SHC4: variants seen among roughly 807,000 people sequenced by gnomAD.
The protein encoded by SHC4 is SHC-transforming protein 4.
Under a neutral mutation model 69.4 loss-of-function variants are expected in SHC4, and 41 were observed. The ratio of observed to expected loss-of-function variants is 0.59; its 90% confidence interval spans 0.46 to 0.77. SHC4 has a LOEUF of 0.77. Among genes scored for constraint, SHC4 ranks in the 30% least tolerant of loss-of-function variants. The pLI is 0.00. For missense variants in SHC4, 777 were observed against 783.8 expected, an observed-to-expected ratio of 0.99 and a Z score of 0.10; for synonymous variants, 318 against 299.3, an observed-to-expected ratio of 1.06 and a Z score of -0.64.
At chr15:48,937,547 A>G (rs1350140062) in intron 1 of SHC4, among the ~76,000 whole-genome samples, 1 of 152,040 alleles carries the variant, frequency 6.6e-6, no homozygotes, top group African/African-American at 2.4e-5. Flanking sequence ...CCTTGCATAT[A>G]TTATATATAG....
At chr15:48,855,842 AG>A in intron 8 of SHC4, 110 bp downstream of exon 8, 1 of 1,114,972 alleles carries the variant, frequency 9.0e-7, no homozygotes, top group Non-Finnish European at 1.3e-6. Flanking sequence ...TCTGTATTTG[AG>A]GAAGACAGGA....
At chr15:48,889,095 A>C (rs1299107156) in intron 3 of SHC4, among the ~76,000 whole-genome samples, 1 of 152,180 alleles carries the variant, frequency 6.6e-6, no homozygotes, top group South Asian at 2.1e-4. Flanking sequence ...GATGATAGCC[A>C]GGTTTGCTCT....
At chr15:48,852,762 C>T (rs1899239781) in intron 8 of SHC4, among the ~76,000 whole-genome samples, 1 of 151,910 alleles carries the variant, frequency 6.6e-6, no homozygotes, top group Admixed American at 6.6e-5. Context: ...ATTAGCTGGG[C>T]ATGGTGGCAT....
intron 2 of SHC4, among the ~76,000 whole-genome samples, chr15:48,910,199 TG>T (rs1370328675): frequency 2.6e-5 from 4 of 152,086 alleles, no homozygotes; most frequent in Non-Finnish European, 5.9e-5. Context: ...GGTTTTTTTT[TG>T]TTGTTGGTAA....
At chr15:48,961,837 T>C (rs1334134880) in intron 1 of SHC4, among the ~76,000 whole-genome samples, 3 of 152,364 alleles carry the variant, frequency 2.0e-5, no homozygotes, top group East Asian at 1.9e-4. Context: ...GGACAAGGCC[T>C]ACTTGCTGCA....
At chr15:48,909,116 T>A (rs905201841) in intron 2 of SHC4, among the ~76,000 whole-genome samples, 3 of 152,214 alleles carry the variant, frequency 2.0e-5, no homozygotes, top group African/African-American at 7.2e-5. Context: ...AGAACTGCAT[T>A]GAATTTGTAG....
chr15:48,853,493 G>T (rs1228146630), intron 8 of SHC4, among the ~76,000 whole-genome samples: 1 of 151,824 alleles, frequency 6.6e-6, no homozygotes, highest in East Asian at 1.9e-4. Context: ...AAAAACAGTT[G>T]GTTCATATGG....
Position 48,963,834 on chromosome 15 carries a change from A to C in SHC4, c.-819T>G. On this transcript the variant is annotated 5_prime_UTR_variant, in exon 1 of 12. Transcript: ENST00000332408. ...GCAGCCGAAAGCTGAGATGTGCAGG[A>C]TGATACGCAGCGTGTTGAAATTTTT... is the stretch of plus-strand genomic sequence containing the variant. Among the ~76,000 whole-genome samples the C allele has an allele frequency of 6.6e-6, 1 of 152,192 alleles. No homozygotes were observed.
intron 2 of SHC4, among the ~76,000 whole-genome samples, chr15:48,891,893 C>T (rs181429418): frequency 6.6e-6 from 1 of 152,006 alleles, no homozygotes; most frequent in Non-Finnish European, 1.5e-5. Context: ...CTCGCTCTGT[C>T]GCCCAGGCTG....
At chr15:48,856,754 ATCAGG>A (rs1399546808) in intron 7 of SHC4, among the ~76,000 whole-genome samples, 1 of 150,626 alleles carries the variant, frequency 6.6e-6, no homozygotes, top group African/African-American at 2.5e-5. Context: ...CCAAATTGGA[ATCAGG>A]GAAAGTTTCT....
intron 1 of SHC4, among the ~76,000 whole-genome samples, chr15:48,932,858 T>C (rs1205634225): frequency 6.6e-6 from 1 of 152,184 alleles, no homozygotes; most frequent in Non-Finnish European, 1.5e-5. Flanking sequence ...TTCTTCTTTG[T>C]ATCCTCTGTG....
At chr15:48,932,123 C>T (rs1395033717) in intron 1 of SHC4, among the ~76,000 whole-genome samples, 1 of 152,022 alleles carries the variant, frequency 6.6e-6, no homozygotes, top group Non-Finnish European at 1.5e-5. Context: ...ATCTGCCTTT[C>T]CCAGTGCAGC....
Position 48,962,873 on chromosome 15 carries a change from C to T in SHC4, c.143G>A (p.Gly48Asp), listed in dbSNP as rs756849849. ...CGGCGAGCCCTTGTTCCCGACCGAG[C>T]CTCCGGAGCTACCTTCGTCCAAGGA... ...ITSLDEGSSG[G>D]SVGNKGSPQP... The change falls in exon 1 of 12, where the codon GGC becomes GAC. Residue 48 changes from glycine (G) to aspartate (D), a missense_variant. By Grantham distance (94) the Gly-to-Asp change is moderately conservative (BLOSUM62 -1). Transcript: ENST00000332408. 6.2e-7 allele frequency: 1 copy of T among 1,613,324 alleles called. No homozygotes were observed. Among genetic ancestry groups the T allele is most frequent in the Admixed American group, 1.7e-5 (1 of 60,026 alleles).
intron 2 of SHC4, among the ~76,000 whole-genome samples, chr15:48,912,975 C>T (rs1421866968): frequency 7.5e-6 from 1 of 133,198 alleles, no homozygotes; most frequent in African/African-American, 2.8e-5. Context: ...ATACCAGTGC[C>T]TGTTCCAGTG....
At chr15:48,882,665 C>G (rs1899965996) in intron 4 of SHC4, among the ~76,000 whole-genome samples, 1 of 152,188 alleles carries the variant, frequency 6.6e-6, no homozygotes, top group African/African-American at 2.4e-5. Flanking sequence ...ACCCAAAAGG[C>G]TGTCATTATG....
chr15:48,901,913 G>A (rs1204143097), intron 2 of SHC4, among the ~76,000 whole-genome samples: 1 of 152,084 alleles, frequency 6.6e-6, no homozygotes, highest in African/African-American at 2.4e-5. Context: ...TTTAAGAACT[G>A]GGTCTAGGCC....
intron 1 of SHC4, among the ~76,000 whole-genome samples, chr15:48,936,067 T>G (rs1276150855): frequency 1.3e-5 from 2 of 152,106 alleles, no homozygotes. Flanking sequence ...ACTAGAAGAT[T>G]AGTAGCAGAG....
intron 2 of SHC4, among the ~76,000 whole-genome samples, chr15:48,920,264 G>T (rs1439116930): frequency 6.6e-6 from 1 of 151,214 alleles, no homozygotes; most frequent in East Asian, 2.0e-4. Flanking sequence ...CTCATGATCT[G>T]CCCGCCTCGG....
chr15:48,921,135 G>A (rs892842092), intron 2 of SHC4, among the ~76,000 whole-genome samples: 8 of 152,114 alleles, frequency 5.3e-5, no homozygotes, highest in Non-Finnish European at 7.4e-5. Context: ...CCTTAAAAAC[G>A]AATGAAATTC....
Sources: gnomAD v4.1 joint callset for allele counts (sites outside exome capture counted in the v4.1 genomes callset) on GRCh38, gnomAD v4.1.1 for gene constraint, MANE v1.5 for transcripts, NCBI Gene and HGNC (gene_info 2026-07-23, HGNC 2026-07-21) for gene names.